C7orf33: variants seen among roughly 807,000 people sequenced by gnomAD.
C7orf33 encodes uncharacterized protein C7orf33.
In C7orf33, 15 loss-of-function variants were observed where a neutral mutation model predicts 13.4. The observed-to-expected ratio is 1.12, with a 90% confidence interval of 0.75 to 1.72. C7orf33 has a LOEUF of 1.72. C7orf33 is among the 40% of genes most tolerant of loss of function. The probability of loss-of-function intolerance (pLI) is 0.00; values close to 1 mark genes in which losing one functional copy is unlikely to be tolerated. For synonymous variants in C7orf33, 73 were observed against 83.2 expected, an observed-to-expected ratio of 0.88 and a Z score of 0.67; for missense variants, 187 against 220.3, an observed-to-expected ratio of 0.85 and a Z score of 0.96.
intron 1 of C7orf33, among the ~76,000 whole-genome samples, chr7:148,606,146 C>T (rs190788068): frequency 3.3e-5 from 5 of 152,272 alleles, no homozygotes; most frequent in East Asian, 1.9e-4. Flanking sequence ...AGATAAGGCT[C>T]GCTCTGCAGA....
chr7:148,606,270 T>G (rs932457557), intron 1 of C7orf33, among the ~76,000 whole-genome samples: 1 of 152,192 alleles, frequency 6.6e-6, no homozygotes, highest in African/African-American at 2.4e-5. Flanking sequence ...GTGCTAGGCA[T>G]CAGAAGGGAA....
At position 148,590,883 on chromosome 7, in the gene C7orf33, C is replaced by T; in HGVS notation, c.-43C>T. 6.3e-7 allele frequency: 1 copy of T among 1,575,204 alleles called. No individual in the cohort carries two copies. On this transcript the variant is annotated 5_prime_UTR_variant, in exon 1 of 3. Coordinates refer to ENST00000307003, the MANE Select transcript of C7orf33 (RefSeq NM_145304.4). Reference sequence around the variant, plus strand: ...CTTAGATATTGGTGGTGAAGCGCCGCTCTCCTTGACAGCATCCAGGAAAGG... The same window carrying T: ...CTTAGATATTGGTGGTGAAGCGCCGTTCTCCTTGACAGCATCCAGGAAAGG...
intron 1 of C7orf33, among the ~76,000 whole-genome samples, chr7:148,594,209 T>G (rs1277420100): frequency 6.8e-6 from 1 of 146,132 alleles, no homozygotes; most frequent in African/African-American, 2.6e-5. Context: ...GAGTCTTCGC[T>G]CTGTCGCCCA....
At chr7:148,607,974 T>A (rs1265472434) in intron 1 of C7orf33, among the ~76,000 whole-genome samples, 1 of 152,204 alleles carries the variant, frequency 6.6e-6, no homozygotes, top group Non-Finnish European at 1.5e-5. Flanking sequence ...GCCTTCAATC[T>A]CTGCCTTTAC....
Position 148,614,121 on chromosome 7 carries a change from C to A in C7orf33, c.284C>A (p.Pro95Gln). The change falls in exon 2 of 3, where the codon CCG becomes CAG. Residue 95 changes from proline (P) to glutamine (Q), a missense_variant. Pro to Gln is a moderately conservative substitution (Grantham distance 76). Coordinates refer to ENST00000307003, the MANE Select transcript of C7orf33 (RefSeq NM_145304.4). ...PVSAPTKSGA[P>Q]WHFLSQGPTD... ...TCAGCTCCCACCAAATCTGGTGCCC[C>A]GTGGCATTTTCTTTCTCAAGGTCCC... 1 of 1,614,180 alleles carries A rather than the reference C, an allele frequency of 6.2e-7. No individual in the cohort carries two copies. The highest frequency in any genetic ancestry group is 8.5e-7 in the Non-Finnish European group (1 of 1,180,034).
intron 1 of C7orf33, among the ~76,000 whole-genome samples, chr7:148,600,938 G>A (rs1275535690): frequency 6.6e-6 from 1 of 151,668 alleles, no homozygotes; most frequent in Non-Finnish European, 1.5e-5. Flanking sequence ...GAGTAGCTGG[G>A]ACTACAGGCA....
intron 2 of C7orf33, among the ~76,000 whole-genome samples, chr7:148,614,966 TAATA>T (rs1796584516): frequency 6.6e-6 from 1 of 152,206 alleles, no homozygotes; most frequent in African/African-American, 2.4e-5. Flanking sequence ...GGTTGAGCAT[TAATA>T]AATAGGAAGA....
intron 1 of C7orf33, among the ~76,000 whole-genome samples, chr7:148,605,689 T>C (rs1176690089): frequency 6.6e-6 from 1 of 152,232 alleles, no homozygotes; most frequent in African/African-American, 2.4e-5. Context: ...GTCTGAGTTT[T>C]AGCTCCAGGT....
At chr7:148,599,802 C>G (rs1219774689) in intron 1 of C7orf33, among the ~76,000 whole-genome samples, 3 of 152,126 alleles carry the variant, frequency 2.0e-5, no homozygotes, top group Admixed American at 2.0e-4. Context: ...AAAGTCCACC[C>G]TGGAATGTGG....
At chr7:148,609,985 CT>C (rs1418965113) in intron 1 of C7orf33, among the ~76,000 whole-genome samples, 1 of 152,190 alleles carries the variant, frequency 6.6e-6, no homozygotes, top group African/African-American at 2.4e-5. Flanking sequence ...TCAATAATGC[CT>C]GATCCCAAAT....
intron 1 of C7orf33, among the ~76,000 whole-genome samples, chr7:148,600,596 G>A (rs1455734103): frequency 2.6e-5 from 4 of 152,118 alleles, no homozygotes; most frequent in Non-Finnish European, 5.9e-5. Context: ...TTCAATGTTT[G>A]TTGTTCATGG....
intron 1 of C7orf33, among the ~76,000 whole-genome samples, chr7:148,605,765 G>C (rs926288008): frequency 3.3e-5 from 5 of 152,144 alleles, no homozygotes; most frequent in African/African-American, 1.2e-4. Context: ...AGTGGACGCT[G>C]CAGTTGCTAC....
chr7:148,608,897 T>C (rs1014420722), intron 1 of C7orf33, among the ~76,000 whole-genome samples: 1 of 152,154 alleles, frequency 6.6e-6, no homozygotes, highest in Non-Finnish European at 1.5e-5. Flanking sequence ...AAAACAGTCC[T>C]ATTGCCTCCC....
intron 1 of C7orf33, among the ~76,000 whole-genome samples, chr7:148,608,214 G>C (rs1379868143): frequency 6.6e-6 from 1 of 152,128 alleles, no homozygotes; most frequent in African/African-American, 2.4e-5. Flanking sequence ...CGGATCACGA[G>C]GTCAAGATGT....
At position 148,591,113 on chromosome 7, in the gene C7orf33, C is replaced by T. The variant is rs1405809805; in HGVS notation, c.188C>T (p.Ala63Val). 3.1e-6 allele frequency: 5 copies of T among 1,613,036 alleles called. No individual in the cohort carries two copies. The highest frequency in any genetic ancestry group is 4.2e-6 in the Non-Finnish European group (5 of 1,179,548). ...GGPGQFNLSYATGRHKKPNPH... is the reference protein window; with the variant it reads ...GGPGQFNLSYVTGRHKKPNPH... The stretch of plus-strand genomic sequence containing the variant: ...CCAGGTCAATTTAACTTGTCATATG[C>T]CACGGGAAGACATAAGGTAAGTTAA... The change falls in exon 1 of 3, where the codon GCC (alanine) becomes GTC (valine). Residue 63 changes from alanine to valine, a missense_variant. Physicochemically the swap from Ala to Val is moderately conservative, Grantham distance 64. Coordinates refer to ENST00000307003, the MANE Select transcript of C7orf33 (RefSeq NM_145304.4).
chr7:148,613,369 T>G lies in C7orf33; in HGVS notation c.205-673T>G, dbSNP rs574934313. The stretch of plus-strand genomic sequence containing the variant: ...ACAAAAGCTCTGTACACAAATAACG[T>G]GCATAGCAGCATTATTCATAATACT... On this transcript the variant is annotated intron_variant, in intron 1 of 2. Transcript: ENST00000307003. Among the ~76,000 whole-genome samples, 17 of 152,334 alleles carry G rather than the reference T, an allele frequency of 1.1e-4. No individual in the cohort carries two copies. In the South Asian group the frequency reaches 3.3e-3, roughly 30 times the overall value.
intron 1 of C7orf33, among the ~76,000 whole-genome samples, chr7:148,595,120 A>C (rs1796313358): frequency 6.6e-6 from 1 of 151,562 alleles, no homozygotes; most frequent in Non-Finnish European, 1.5e-5. Flanking sequence ...GACAGGCTGG[A>C]GTGCAGTGGC....
intron 1 of C7orf33, among the ~76,000 whole-genome samples, chr7:148,598,706 A>G (rs987735798): frequency 1.4e-5 from 2 of 140,072 alleles, no homozygotes; most frequent in Non-Finnish European, 3.1e-5. Context: ...GTATATATAT[A>G]AAAAAAATTT....
At chr7:148,606,922 T>TAA (rs1015779620) in intron 1 of C7orf33, among the ~76,000 whole-genome samples, 13 of 43,808 alleles carry the variant, frequency 3.0e-4, no homozygotes, top group Admixed American at 7.0e-4. Flanking sequence ...AGACCCCATT[T>TAA]AAAAAAAAAA....
Sources: gnomAD v4.1 joint callset for allele counts (sites outside exome capture counted in the v4.1 genomes callset) on GRCh38, gnomAD v4.1.1 for gene constraint, MANE v1.5 for transcripts, NCBI Gene and HGNC (gene_info 2026-07-23, HGNC 2026-07-21) for gene names.